Variants in OXR1 observed in about 807,000 individuals in gnomAD.
The protein encoded by OXR1 is oxidation resistance 1.
A neutral mutation model predicts 104.6 loss-of-function variants in OXR1; 41 were observed. That is an observed-to-expected ratio of 0.39 (90% CI 0.31 to 0.51). The LOEUF (loss-of-function observed/expected upper bound fraction) is 0.51, where lower values mean the gene tolerates loss of function less well. OXR1 is among the 20% of genes least tolerant of loss of function. The pLI, the probability that OXR1 is intolerant of heterozygous loss-of-function variation, is 0.77. For missense variants in OXR1, 955 were observed against 1,031.9 expected (o/e 0.93, Z 1.02); for synonymous variants, 348 against 348.4 (o/e 1.00, Z 0.01).
chr8:106,434,453 T>C (rs4436099), intron 2 of OXR1, among the ~76,000 whole-genome samples: 34,429 of 152,142 alleles, frequency 0.23, 5,415 homozygotes, highest in African/African-American at 0.42. Context: ...GAGTATAGTA[T>C]GGACAGTTTC....
At chr8:106,323,743 A>G (rs1269377630) in intron 1 of OXR1, among the ~76,000 whole-genome samples, 1 of 152,256 alleles carries the variant, frequency 6.6e-6, no homozygotes, top group East Asian at 1.9e-4. Context: ...CATGTGGCCA[A>G]CAAGCATATG....
At chr8:106,440,000 G>T (rs1586645048) in intron 2 of OXR1, among the ~76,000 whole-genome samples, 2 of 152,014 alleles carry the variant, frequency 1.3e-5, no homozygotes, top group South Asian at 4.1e-4. Context: ...TACTGTGGCT[G>T]ATATTCGGAG....
chr8:106,510,672 T>A (rs1812464438), intron 2 of OXR1, among the ~76,000 whole-genome samples: 1 of 152,142 alleles, frequency 6.6e-6, no homozygotes, highest in African/African-American at 2.4e-5. Flanking sequence ...AGAGTTAAAT[T>A]CAACTACATT....
intron 3 of OXR1, among the ~76,000 whole-genome samples, chr8:106,635,741 C>A (rs1156397855): frequency 6.6e-6 from 1 of 152,124 alleles, no homozygotes; most frequent in Non-Finnish European, 1.5e-5. Flanking sequence ...AGCCATTGCA[C>A]CCGGCCTCGA....
intron 2 of OXR1, among the ~76,000 whole-genome samples, chr8:106,404,284 A>G (rs1400648046): frequency 1.3e-5 from 2 of 152,132 alleles, no homozygotes; most frequent in Non-Finnish European, 2.9e-5. Flanking sequence ...CGGGTAAAGA[A>G]GACTTACCAG....
At chr8:106,520,024 G>A (rs947849522) in intron 3 of OXR1, among the ~76,000 whole-genome samples, 1 of 151,988 alleles carries the variant, frequency 6.6e-6, no homozygotes, top group Admixed American at 6.6e-5. Context: ...AAAGAGTGTG[G>A]CTGCTTTGGC....
intron 3 of OXR1, among the ~76,000 whole-genome samples, chr8:106,597,218 TG>T (rs1048127235): frequency 6.6e-6 from 1 of 151,908 alleles, no homozygotes; most frequent in Admixed American, 6.6e-5. Flanking sequence ...GGTGAGCCTT[TG>T]GGGGGGTGAT....
At chr8:106,306,520 T>TAA (rs5893784) in intron 1 of OXR1, among the ~76,000 whole-genome samples, 58 of 145,808 alleles carry the variant, frequency 4.0e-4, no homozygotes, top group Middle Eastern at 7.1e-3. Flanking sequence ...AGCTAAAAAC[T>TAA]AAAAAAAAAA....
In OXR1 at chr8:106,597,761, A is replaced by T. The variant is rs537566959; in HGVS notation, c.220+78622A>T. Among the ~76,000 whole-genome samples the T allele has an allele frequency of 3.0e-4, 45 of 152,142 alleles. No individual in the cohort carries two copies. The South Asian group carries it at 8.5e-3, about 29-fold the overall frequency. Reference sequence around the variant, plus strand: ...TAAGCGATCCCACATTGCCCCTCGGATTCCCCATTCCCCAGATCTCTGATC... The same window carrying T: ...TAAGCGATCCCACATTGCCCCTCGGTTTCCCCATTCCCCAGATCTCTGATC... On this transcript the variant is annotated intron_variant, in intron 3 of 16. Coordinates refer to ENST00000517566, the MANE Select transcript of OXR1 (RefSeq NM_001198533.2).
chr8:106,575,293 C>T (rs542367929), intron 3 of OXR1, among the ~76,000 whole-genome samples: 2 of 152,186 alleles, frequency 1.3e-5, no homozygotes, highest in East Asian at 1.9e-4. Context: ...TTTAAAGGCT[C>T]TTAATCTATA....
At chr8:106,531,668 TC>T (rs768019719) in intron 3 of OXR1, among the ~76,000 whole-genome samples, 1 of 152,154 alleles carries the variant, frequency 6.6e-6, no homozygotes, top group Non-Finnish European at 1.5e-5. Flanking sequence ...TTAGATAGAT[TC>T]CGTTTTGAAG....
At chr8:106,595,993 G>C (rs1284001203) in intron 3 of OXR1, among the ~76,000 whole-genome samples, 2 of 152,090 alleles carry the variant, frequency 1.3e-5, no homozygotes, top group Non-Finnish European at 2.9e-5. Context: ...TCCTAATTTT[G>C]TAATTTCAAG....
intron 15 of OXR1, among the ~76,000 whole-genome samples, chr8:106,744,518 A>G (rs142275682): frequency 6.6e-6 from 1 of 152,330 alleles, no homozygotes; most frequent in Admixed American, 6.5e-5. Context: ...ATTTCCAGAA[A>G]CATTTAATGA....
rs570019916 is a variant in OXR1, at chr8:106,390,567, C to T, written c.23+30931C>T. 9.9e-5 allele frequency among the ~76,000 whole-genome samples: 15 copies of T among 152,216 alleles called. No individual in the cohort carries two copies. The South Asian group carries it at 1.0e-3, about 11-fold the overall frequency. ...CGTCACACAGAAAGTATCAGAACAA[C>T]GCTTCAAACCCAGGCAACTTGGCTT... On this transcript the variant is annotated intron_variant, in intron 2 of 16. Transcript: ENST00000517566.
chr8:106,316,050 C>A (rs1404818811), intron 1 of OXR1, among the ~76,000 whole-genome samples: 3 of 152,170 alleles, frequency 2.0e-5, no homozygotes, highest in Non-Finnish European at 4.4e-5. Flanking sequence ...AACTTTCTAA[C>A]AGTTTTTGTC....
rs775178804 is a variant in OXR1 at position 106,679,310 on chromosome 8, G to A, written c.303+18G>A. The A allele has an allele frequency of 2.1e-5, 29 of 1,369,850 alleles. No individual in the cohort carries two copies. The African/African-American group carries it at 2.4e-4, about 11-fold the overall frequency. 84.9% of individuals were successfully genotyped at this position (1,369,850 alleles called of 1,614,324 possible). On this transcript the variant is annotated intron_variant, in intron 4 of 16. Transcript: ENST00000517566. ...AGTATACTGTAAGTTATTTGCTTTC[G>A]AAAAAGCTATTTTTCTTTGTAAGAG...
At position 106,362,079 on chromosome 8, in the gene OXR1, C is replaced by T. The variant is rs139887677; in HGVS notation, c.23+2443C>T. ...ACCTGCTAAACACAGAGGTCAGCCTCGCAGGGCAGCTTCTTCGTGTCTAGG... is the reference window on the plus strand; with the variant it reads ...ACCTGCTAAACACAGAGGTCAGCCTTGCAGGGCAGCTTCTTCGTGTCTAGG... On this transcript the variant is annotated intron_variant, in intron 2 of 16. Coordinates refer to ENST00000517566, the MANE Select transcript of OXR1 (RefSeq NM_001198533.2). Among the ~76,000 whole-genome samples, 6 of 152,302 alleles carry T rather than the reference C, an allele frequency of 3.9e-5. No individual in the cohort carries two copies. In the East Asian group the frequency reaches 5.8e-4, roughly 15 times the overall value.
intron 3 of OXR1, among the ~76,000 whole-genome samples, chr8:106,539,940 G>A (rs1156899231): frequency 6.6e-6 from 1 of 152,010 alleles, no homozygotes; most frequent in Non-Finnish European, 1.5e-5. Context: ...AATGATAGCT[G>A]TAAATAGAAA....
intron 15 of OXR1, 55 bp downstream of exon 15, chr8:106,742,372 C>T: frequency 1.0e-6 from 1 of 981,138 alleles, no homozygotes; most frequent in South Asian, 1.4e-5. Flanking sequence ...AACATACTGC[C>T]CAAAGCAATT....
Sources: allele counts gnomAD v4.1 joint callset (sites outside exome capture counted in the v4.1 genomes callset), GRCh38; gene constraint gnomAD v4.1.1; transcripts MANE v1.5; gene names NCBI Gene and HGNC (gene_info 2026-07-23, HGNC 2026-07-21).